The following MEI4 variants were observed in gnomAD, a reference collection of about 807,000 sequenced individuals.
MEI4 encodes the protein meiosis-specific protein MEI4.
A neutral mutation model predicts 31.4 loss-of-function variants in MEI4; 27 were observed. The observed-to-expected ratio is 0.86, with a 90% CI of 0.63 to 1.19. The LOEUF (loss-of-function observed/expected upper bound fraction) is 1.19, where lower values mean the gene tolerates loss of function less well. MEI4 is among the 50% of genes most tolerant of loss of function. The pLI is 0.00. For synonymous variants in MEI4, 122 were observed against 145.4 expected, an observed-to-expected ratio of 0.84 and a Z score of 1.16; for missense variants, 329 against 398.9, an observed-to-expected ratio of 0.82 and a Z score of 1.49.
intron 4 of MEI4, among the ~76,000 whole-genome samples, chr6:77,878,095 G>A (rs1771388113): frequency 6.6e-6 from 1 of 152,030 alleles, no homozygotes; most frequent in Non-Finnish European, 1.5e-5. Flanking sequence ...TTGAAAGATT[G>A]GTTTGATTCA....
At chr6:77,736,266 G>T (rs1018508263) in intron 2 of MEI4, among the ~76,000 whole-genome samples, 1 of 151,956 alleles carries the variant, frequency 6.6e-6, no homozygotes, top group Non-Finnish European at 1.5e-5. Flanking sequence ...ATCTCAGAGG[G>T]CTGTGCTAGC....
At chr6:77,771,992 A>G (rs1183529252) in intron 3 of MEI4, among the ~76,000 whole-genome samples, 1 of 151,932 alleles carries the variant, frequency 6.6e-6, no homozygotes, top group Non-Finnish European at 1.5e-5. Flanking sequence ...AATTTACATT[A>G]TTATTTTATA....
At chr6:77,779,705 C>T (rs80110784) in intron 3 of MEI4, among the ~76,000 whole-genome samples, 2,187 of 152,136 alleles carry the variant, frequency 0.014, 55 homozygotes, top group African/African-American at 0.05. Context: ...TTTCATCTCC[C>T]AGTTATCTCT....
At chr6:77,861,680 T>G (rs1231885835) in intron 4 of MEI4, among the ~76,000 whole-genome samples, 1 of 152,212 alleles carries the variant, frequency 6.6e-6, no homozygotes, top group African/African-American at 2.4e-5. Context: ...TAAGCAAATA[T>G]GAGTTCAAAA....
At chr6:77,916,489 G>T (rs900664891) in intron 4 of MEI4, among the ~76,000 whole-genome samples, 3 of 152,006 alleles carry the variant, frequency 2.0e-5, no homozygotes, top group Non-Finnish European at 2.9e-5. Context: ...ATGTTGATCA[G>T]ATTCTGGGAG....
At chr6:77,874,333 T>C (rs1771276035) in intron 4 of MEI4, among the ~76,000 whole-genome samples, 1 of 152,198 alleles carries the variant, frequency 6.6e-6, no homozygotes, top group South Asian at 2.1e-4. Context: ...CCCTTGTAAG[T>C]TGGATTCCTA....
At chr6:77,683,209 T>G (rs748580543) in intron 1 of MEI4, among the ~76,000 whole-genome samples, 4 of 152,186 alleles carry the variant, frequency 2.6e-5, no homozygotes, top group Non-Finnish European at 5.9e-5. Context: ...ACAAAATGCT[T>G]CTTCATTTTG....
intron 3 of MEI4, among the ~76,000 whole-genome samples, chr6:77,825,217 C>G (rs1470760975): frequency 2.0e-5 from 3 of 152,082 alleles, no homozygotes; most frequent in Admixed American, 6.6e-5. Context: ...TTTGACCTAA[C>G]AAAATATTAT....
At chr6:77,853,616 G>A (rs1582217370) in intron 4 of MEI4, among the ~76,000 whole-genome samples, 1 of 152,270 alleles carries the variant, frequency 6.6e-6, no homozygotes, top group African/African-American at 2.4e-5. Flanking sequence ...AAATCTTGTG[G>A]TAGACCAAGA....
intron 3 of MEI4, among the ~76,000 whole-genome samples, chr6:77,775,391 G>A (rs536919432): frequency 2.0e-5 from 3 of 151,934 alleles, no homozygotes; most frequent in South Asian, 2.1e-4. Flanking sequence ...ACGCCTTTGC[G>A]TCTTCATAGC....
rs73475154 is a variant in MEI4 at position 77,653,737 on chromosome 6, C to A, written c.-15+645C>A. 5.7e-3 allele frequency among the ~76,000 whole-genome samples: 869 copies of A among 152,182 alleles called. 8 individuals are homozygous for A. Among genetic ancestry groups the A allele is most frequent in the African/African-American group, 0.02 (818 of 41,514 alleles). ...GTTAACATCATCTAAAGAGAGTAAG[C>A]TGTTAATAGAAGATAGTAGCCACAT... On this transcript the variant is annotated intron_variant, in intron 1 of 4. Coordinates refer to ENST00000684080, the MANE Select transcript of MEI4 (RefSeq NM_001322247.2).
chr6:77,850,400 A>G (rs1462199003), intron 4 of MEI4, among the ~76,000 whole-genome samples: 1 of 152,218 alleles, frequency 6.6e-6, no homozygotes, highest in African/African-American at 2.4e-5. Flanking sequence ...ACAAGGCCAC[A>G]GTAACCAAAA....
chr6:77,680,163 C>T (rs2127648774), intron 1 of MEI4, among the ~76,000 whole-genome samples: 1 of 132,612 alleles, frequency 7.5e-6, no homozygotes, highest in South Asian at 2.4e-4. Context: ...CCTGTAGTCC[C>T]AGCTACTCAG....
chr6:77,660,931 G>A (rs998747861), intron 1 of MEI4, among the ~76,000 whole-genome samples: 3 of 152,134 alleles, frequency 2.0e-5, no homozygotes, highest in African/African-American at 4.8e-5. Flanking sequence ...GGGTGTCTTC[G>A]TATGGCTGGG....
chr6:77,817,021 GTA>G (rs938885888), intron 3 of MEI4, among the ~76,000 whole-genome samples: 10 of 149,870 alleles, frequency 6.7e-5, no homozygotes, highest in African/African-American at 2.2e-4. Context: ...GTGTGTGTGT[GTA>G]TGTGTGTGTG....
intron 2 of MEI4, among the ~76,000 whole-genome samples, chr6:77,747,557 G>T (rs9352524): frequency 0.15 from 22,763 of 151,940 alleles, 2,053 homozygotes; most frequent in East Asian, 0.39. Context: ...GAACAGCTTA[G>T]GGGAAACCAC....
At chr6:77,787,797 A>G (rs1020076232) in intron 3 of MEI4, among the ~76,000 whole-genome samples, 1 of 152,232 alleles carries the variant, frequency 6.6e-6, no homozygotes, top group African/African-American at 2.4e-5. Flanking sequence ...GCACAGATAT[A>G]TAACCACATG....
chr6:77,924,026 A>G lies in MEI4; in HGVS notation c.*680A>G, dbSNP rs540143504. 7.7e-4 allele frequency: 117 copies of G among 151,874 alleles called. No individual in the cohort carries two copies. The highest frequency in any genetic ancestry group is 1.9e-3 in the Admixed American group (29 of 15,212). The allele number at this position is 151,874 out of a possible 1,614,324, so 9.4% of individuals were successfully genotyped here. Reference sequence around the variant, plus strand: ...TTCTGTTAATTAAATATGTTATAATAGTCTTGTAATTGTTAAATAGTATAC... The same window carrying G: ...TTCTGTTAATTAAATATGTTATAATGGTCTTGTAATTGTTAAATAGTATAC... On this transcript the variant is annotated 3_prime_UTR_variant, in exon 5 of 5. Coordinates refer to ENST00000684080, the MANE Select transcript of MEI4 (RefSeq NM_001322247.2).
chr6:77,823,778 A>G (rs929637332), intron 3 of MEI4, among the ~76,000 whole-genome samples: 13 of 152,186 alleles, frequency 8.5e-5, no homozygotes, highest in African/African-American at 3.1e-4. Context: ...TGGATGCTTC[A>G]GAAAGTAGGA....
Sources: allele counts gnomAD v4.1 joint callset (sites outside exome capture counted in the v4.1 genomes callset), GRCh38; gene constraint gnomAD v4.1.1; transcripts MANE v1.5; gene names NCBI Gene and HGNC (gene_info 2026-07-23, HGNC 2026-07-21).